CENPT: variants seen among roughly 807,000 people sequenced by gnomAD.
CENPT encodes interphase centromere complex protein 22.
Under a neutral mutation model 59.7 loss-of-function variants are expected in CENPT, and 42 were observed. The ratio of observed to expected loss-of-function variants is 0.70; its 90% CI spans 0.55 to 0.91. CENPT has a LOEUF of 0.91. CENPT is among the 40% of genes least tolerant of loss of function. CENPT has a pLI of 0.00. For synonymous variants in CENPT, 295 were observed against 289.6 expected (o/e 1.02, Z -0.19); for missense variants, 716 against 713.4 (o/e 1.00, Z -0.04).
intron 4 of CENPT, 83 bp from the exon 5 acceptor site, chr16:67,832,628 G>A (rs767250130): frequency 1.4e-5 from 18 of 1,273,236 alleles, no homozygotes; most frequent in South Asian, 2.7e-5. Flanking sequence ...CAGGGGTCTT[G>A]GTCTGGAGCC....
chr16:67,828,901 G>A (rs2057644243), intron 13 of CENPT, 58 bp from the exon 14 acceptor site: 2 of 1,514,464 alleles, frequency 1.3e-6, no homozygotes, highest in Admixed American at 2.3e-5. Context: ...TCTTATTCAA[G>A]AGCAAGTCTT....
chr16:67,846,133 A>G (rs544357838), intron 1 of CENPT, among the ~76,000 whole-genome samples: 4 of 152,378 alleles, frequency 2.6e-5, no homozygotes, highest in African/African-American at 9.6e-5. Context: ...GGAAAGGGCA[A>G]TGGGTAGGAA....
chr16:67,836,179 G>T (rs2057733924), intron 1 of CENPT, among the ~76,000 whole-genome samples: 1 of 151,720 alleles, frequency 6.6e-6, no homozygotes, highest in African/African-American at 2.4e-5. Context: ...CCCTGCCTCA[G>T]CCTCCCAAGT....
At chr16:67,840,817 C>A (rs1309255383) in intron 1 of CENPT, among the ~76,000 whole-genome samples, 1 of 151,734 alleles carries the variant, frequency 6.6e-6, no homozygotes, top group Non-Finnish European at 1.5e-5. Context: ...GGAGAACTGC[C>A]TGGCCCCTCC....
At chr16:67,830,883 T>G in intron 10 of CENPT, 1 of 505,274 alleles carries the variant, frequency 2.0e-6, no homozygotes, top group Admixed American at 3.4e-5. Flanking sequence ...CTGGTGAACT[T>G]GTTTTCTGCA....
chr16:67,843,552 C>A lies in CENPT; in HGVS notation c.-492+3849G>T. 1 of 1,555,116 alleles carries A rather than the reference C, an allele frequency of 6.4e-7. No individual in the cohort carries two copies. The highest frequency in any genetic ancestry group is 1.2e-5 in the South Asian group (1 of 81,392). On this transcript the variant is annotated intron_variant, in intron 1 of 15. Coordinates refer to ENST00000562787, the MANE Select transcript of CENPT (RefSeq NM_025082.4). This position sits in a 1 kb window ranked among gnomAD's most constrained non-coding sequence, Gnocchi z 5.7. ...CCCAGACCCCATCCAGCCAGGGGACCGCAGGCCATTGTTGAACTCCTCTAT... is the reference window on the plus strand; with the variant it reads ...CCCAGACCCCATCCAGCCAGGGGACAGCAGGCCATTGTTGAACTCCTCTAT...
chr16:67,834,731 T>C (rs1472871711), intron 3 of CENPT, among the ~76,000 whole-genome samples: 1 of 152,232 alleles, frequency 6.6e-6, no homozygotes, highest in East Asian at 1.9e-4. Context: ...GATCCAGCAC[T>C]GATGTTATTA....
At chr16:67,845,211 G>C (rs2057789245) in intron 1 of CENPT, among the ~76,000 whole-genome samples, 1 of 152,224 alleles carries the variant, frequency 6.6e-6, no homozygotes, top group South Asian at 2.1e-4. Context: ...TGGGTTTACT[G>C]TGGGTGGTGG....
At position 67,831,105 on chromosome 16, in the gene CENPT, G is replaced by A. The variant is rs181882387; in HGVS notation, c.703+111C>T. On this transcript the variant is annotated intron_variant, in intron 10 of 15. Transcript: ENST00000562787. ...GTAGACCCACTGACCAGAGTTGCTCGCTGTCCTTGACCCCACCGAGAGGGG... is the reference window on the plus strand; with the variant it reads ...GTAGACCCACTGACCAGAGTTGCTCACTGTCCTTGACCCCACCGAGAGGGG... The A allele has an allele frequency of 4.2e-5, 59 of 1,415,992 alleles. No individual in the cohort carries two copies. In the East Asian group the frequency reaches 5.3e-4, roughly 13 times the overall value. 87.7% of individuals were successfully genotyped at this position (1,415,992 alleles called of 1,614,324 possible).
chr16:67,845,520 T>C (rs1398470657), intron 1 of CENPT, among the ~76,000 whole-genome samples: 1 of 152,210 alleles, frequency 6.6e-6, no homozygotes, highest in Non-Finnish European at 1.5e-5. Context: ...TTGCTCCTAT[T>C]GGGCCAGTCT....
At position 67,831,808 on chromosome 16, in the gene CENPT, G is replaced by T. The variant is rs1307300570; in HGVS notation, c.469C>A (p.Leu157Met). 1 of 1,601,112 alleles carries T rather than the reference G, an allele frequency of 6.2e-7. No individual in the cohort carries two copies. Among genetic ancestry groups the T allele is most frequent in the Non-Finnish European group, 8.5e-7 (1 of 1,174,772 alleles). Residue 157 changes from leucine to methionine, a missense_variant, in exon 8 of 16, where the codon CTG (leucine) becomes ATG (methionine). Coordinates refer to ENST00000562787, the MANE Select transcript of CENPT (RefSeq NM_025082.4). ...CCCTGCTGAAACACTGACAGTCTCA[G>T]CCTCTGTTTCCTCCTGCCAGGGGCC... The part of the protein sequence containing the change: ...LLAPGRRKQR[L>M]RLSVFQQGVD...
chr16:67,831,127 G>A, intron 10 of CENPT, 89 bp downstream of exon 10: 2 of 1,574,968 alleles, frequency 1.3e-6, no homozygotes, highest in Non-Finnish European at 1.7e-6. Context: ...CCCACCGAGA[G>A]GGGTGCAACC....
intron 1 of CENPT, among the ~76,000 whole-genome samples, chr16:67,840,831 G>A (rs1406295262): frequency 6.6e-6 from 1 of 151,640 alleles, no homozygotes; most frequent in Non-Finnish European, 1.5e-5. Context: ...CCCCTCCCTG[G>A]CTTTCCACAA....
rs1328184649 is a variant in CENPT, at chr16:67,847,471, C to T, written c.-562G>A. The T allele has an allele frequency of 6.6e-6, 1 of 152,296 alleles. No individual in the cohort carries two copies. The highest frequency in any genetic ancestry group is 1.5e-5 in the Non-Finnish European group (1 of 68,124). The allele number at this position is 152,296 out of a possible 1,614,324, so 9.4% of individuals were successfully genotyped here. A position where few individuals can be genotyped will look rare whatever the true frequency, so the allele number is the denominator to read the frequency against. The stretch of plus-strand genomic sequence containing the variant: ...AGTCAGCATGGGTAAGGGCGCCCGC[C>T]TGCCGCAGCCGGGGCTTGGGCCCCT... On this transcript the variant is annotated 5_prime_UTR_variant, in exon 1 of 16. Coordinates refer to ENST00000562787, the MANE Select transcript of CENPT (RefSeq NM_025082.4).
chr16:67,840,911 G>T (rs1298073043), intron 1 of CENPT, among the ~76,000 whole-genome samples: 1 of 150,988 alleles, frequency 6.6e-6, no homozygotes, highest in Non-Finnish European at 1.5e-5. Context: ...TGTAATCCTA[G>T]CACTTTGGGA....
chr16:67,830,057 T>C lies in CENPT; in HGVS notation c.894A>G (p.Gly298=). 1 of 1,614,196 alleles carries C rather than the reference T, an allele frequency of 6.2e-7. No homozygotes were observed. Among genetic ancestry groups the C allele is most frequent in the Non-Finnish European group, 8.5e-7 (1 of 1,180,020 alleles). Residue 298 remains glycine (G), a synonymous_variant, in exon 12 of 16, where the codon GGA becomes GGG. Transcript: ENST00000562787. The part of the protein sequence containing the change: ...SPGKPAQFLA[G]EAEEVNAFAL... ...CAAAGGCATTGACCTCCTCTGCCTCTCCTGCCAGAAACTGGGCTGGTTTCC... is the reference window on the plus strand; with the variant it reads ...CAAAGGCATTGACCTCCTCTGCCTCCCCTGCCAGAAACTGGGCTGGTTTCC...
chr16:67,829,366 C>A, intron 13 of CENPT, 57 bp downstream of exon 13: 1 of 1,383,204 alleles, frequency 7.2e-7, no homozygotes, highest in Non-Finnish European at 1.0e-6. Flanking sequence ...ATGTACACAG[C>A]ATACCCAATG....
Position 67,833,871 on chromosome 16 carries a change from C to T in CENPT, c.-12G>A. The T allele has an allele frequency of 6.7e-7, 1 of 1,493,778 alleles. No individual in the cohort carries two copies. 92.5% of individuals were successfully genotyped at this position (1,493,778 alleles called of 1,614,324 possible). On this transcript the variant is annotated 5_prime_UTR_variant, in exon 4 of 16. Transcript: ENST00000562787. ...TTGTGGTCAGCCATCGTCTCGGCCC[C>T]GGGCCCTCCTAACCGCCCAGCCAGC...
intron 1 of CENPT, among the ~76,000 whole-genome samples, chr16:67,846,453 G>A (rs951876459): frequency 2.0e-5 from 3 of 152,260 alleles, no homozygotes; most frequent in Admixed American, 1.3e-4. Context: ...CGTTCCGCCC[G>A]GGCTGGTTAA....
Sources: allele counts gnomAD v4.1 joint callset (sites outside exome capture counted in the v4.1 genomes callset), GRCh38; gene constraint gnomAD v4.1.1; non-coding constraint Gnocchi (gnomAD v3.1); transcripts MANE v1.5; gene names NCBI Gene and HGNC (gene_info 2026-07-23, HGNC 2026-07-21).